The following SLC24A2 variants were observed in gnomAD, a reference collection of about 807,000 sequenced individuals.
SLC24A2 encodes the protein sodium/potassium/calcium exchanger 2.
In SLC24A2, 36 loss-of-function variants were observed where a neutral mutation model predicts 62.0. The ratio of observed to expected loss-of-function variants is 0.58; its 90% CI spans 0.44 to 0.77. The LOEUF (loss-of-function observed/expected upper bound fraction) is 0.77. SLC24A2 is among the 30% of genes least tolerant of loss of function. The pLI, the probability that SLC24A2 is intolerant of heterozygous loss-of-function variation, is 0.00. For missense variants in SLC24A2, 846 were observed against 817.9 expected, an observed-to-expected ratio of 1.03 and a Z score of -0.42; for synonymous variants, 358 against 294.0, an observed-to-expected ratio of 1.22 and a Z score of -2.23.
the SLC24A2 span, among the ~76,000 whole-genome samples, chr9:19,856,061 G>T: frequency 3.9e-5 from 6 of 151,914 alleles, no homozygotes; most frequent in Non-Finnish European, 7.4e-5. Flanking sequence ...TCTTTCCTCT[G>T]TTTGGTCTAT....
At chr9:20,250,104 A>T in the SLC24A2 span, among the ~76,000 whole-genome samples, 7 of 152,232 alleles carry the variant, frequency 4.6e-5, no homozygotes, top group Non-Finnish European at 1.0e-4. Flanking sequence ...TGTTATGATT[A>T]TCCCAGTCTT....
chr9:20,216,304 G>C, the SLC24A2 span, among the ~76,000 whole-genome samples: 2 of 152,074 alleles, frequency 1.3e-5, no homozygotes, highest in Non-Finnish European at 2.9e-5. Flanking sequence ...ACTTAATTTT[G>C]GTTTATTTCT....
At chr9:20,057,294 C>T in the SLC24A2 span, among the ~76,000 whole-genome samples, 1 of 152,022 alleles carries the variant, frequency 6.6e-6, no homozygotes, top group Non-Finnish European at 1.5e-5. Flanking sequence ...TATTAGTAAC[C>T]CATTCCCTAA....
At chr9:20,168,723 T>C in the SLC24A2 span, among the ~76,000 whole-genome samples, 5 of 152,120 alleles carry the variant, frequency 3.3e-5, no homozygotes, top group East Asian at 7.8e-4. Context: ...GGCAAGAATG[T>C]AGAGGAATTG....
chr9:19,616,060 C>G (rs1366173594), intron 4 of SLC24A2, among the ~76,000 whole-genome samples: 1 of 150,574 alleles, frequency 6.6e-6, no homozygotes, highest in Admixed American at 6.6e-5. Flanking sequence ...TTAAACATCT[C>G]TAGAAGGAGC....
At chr9:19,886,573 T>C in the SLC24A2 span, among the ~76,000 whole-genome samples, 1 of 152,310 alleles carries the variant, frequency 6.6e-6, no homozygotes, top group Non-Finnish European at 1.5e-5. Flanking sequence ...CTGGTAAGGT[T>C]GTAGAGAAAT....
At chr9:19,974,072 G>C in the SLC24A2 span, among the ~76,000 whole-genome samples, 2 of 152,224 alleles carry the variant, frequency 1.3e-5, no homozygotes, top group South Asian at 2.1e-4. Context: ...AGTCAAATTA[G>C]ATTATGTAAT....
chr9:19,953,357 T>C, the SLC24A2 span, among the ~76,000 whole-genome samples: 4 of 151,984 alleles, frequency 2.6e-5, no homozygotes, highest in African/African-American at 9.7e-5. Context: ...ACAACTATAG[T>C]TTTCAATGTG....
At position 19,646,717 on chromosome 9, in the gene SLC24A2, C is replaced by T. The variant is rs183920795; in HGVS notation, c.931-24418G>A. Among the ~76,000 whole-genome samples the T allele has an allele frequency of 1.6e-3, 238 of 152,254 alleles. 2 individuals carry two copies. The highest frequency in any genetic ancestry group is 5.5e-3 in the African/African-American group (230 of 41,542). On this transcript the variant is annotated intron_variant, in intron 2 of 10. Transcript: ENST00000341998. ...CTCTCTCCCTCTTCCCACAATATTA[C>T]TTCCTTGGCATGTTTAGAGTGAAAA...
the SLC24A2 span, among the ~76,000 whole-genome samples, chr9:20,049,721 CAT>C: frequency 1.1e-4 from 16 of 151,190 alleles, no homozygotes; most frequent in African/African-American, 3.6e-4. Context: ...ATAGAGGGGA[CAT>C]AGAGGAAACC....
the SLC24A2 span, among the ~76,000 whole-genome samples, chr9:20,280,085 T>A: frequency 1.3e-5 from 2 of 152,328 alleles, no homozygotes; most frequent in South Asian, 4.1e-4. Flanking sequence ...TGTCTTAGTT[T>A]GGGTTCCTAA....
At chr9:19,905,971 G>A in the SLC24A2 span, among the ~76,000 whole-genome samples, 2,041 of 152,204 alleles carry the variant, frequency 0.013, 39 homozygotes, top group African/African-American at 0.046. Context: ...TCTGCACCAA[G>A]CAGACCTAAT....
chr9:19,763,396 G>A (rs566153517), intron 2 of SLC24A2, among the ~76,000 whole-genome samples: 186 of 152,316 alleles, frequency 1.2e-3, no homozygotes, highest in African/African-American at 4.1e-3. Flanking sequence ...TCTTGTGCCA[G>A]TTTTCAAAGG....
chr9:19,929,728 T>C, the SLC24A2 span: 1 of 152,628 alleles, frequency 6.6e-6, no homozygotes, highest in Non-Finnish European at 1.5e-5. Flanking sequence ...TCAGGAGGTG[T>C]TCCAGAAGAA....
the SLC24A2 span, among the ~76,000 whole-genome samples, chr9:20,282,885 A>T: frequency 1.3e-5 from 2 of 152,220 alleles, no homozygotes; most frequent in Non-Finnish European, 2.9e-5. Context: ...ATGACTCTGC[A>T]ATGAACCTTG....
chr9:20,219,135 G>A, the SLC24A2 span, among the ~76,000 whole-genome samples: 226 of 152,304 alleles, frequency 1.5e-3, 2 homozygotes, highest in Non-Finnish European at 3.1e-3. Context: ...GAGTTGGGTG[G>A]CCCTCAGTCT....
chr9:19,695,940 A>T (rs938641696), intron 2 of SLC24A2, among the ~76,000 whole-genome samples: 1 of 152,140 alleles, frequency 6.6e-6, no homozygotes. Context: ...CAACTTTACT[A>T]TATCTACTTT....
At chr9:20,233,287 C>A in the SLC24A2 span, among the ~76,000 whole-genome samples, 1 of 152,012 alleles carries the variant, frequency 6.6e-6, no homozygotes, top group African/African-American at 2.4e-5. Context: ...TCCTTGTTAA[C>A]TTTCTGTCTC....
intron 2 of SLC24A2, among the ~76,000 whole-genome samples, chr9:19,661,776 G>A (rs963017128): frequency 6.6e-6 from 1 of 152,204 alleles, no homozygotes; most frequent in Non-Finnish European, 1.5e-5. Context: ...GGATCCCTCT[G>A]TTGTAATTTT....
Sources: gnomAD v4.1 joint callset for allele counts (sites outside exome capture counted in the v4.1 genomes callset) on GRCh38, gnomAD v4.1.1 for gene constraint, MANE v1.5 for transcripts, NCBI Gene and HGNC (gene_info 2026-07-23, HGNC 2026-07-21) for gene names.